The following RAP1A variants were observed in gnomAD, a reference collection of about 807,000 sequenced individuals.
RAP1A encodes the protein RAP1A, member of RAS oncogene family.
Under a neutral mutation model 26.4 loss-of-function variants are expected in RAP1A, and 6 were observed. The observed-to-expected ratio is 0.23, with a 90% CI of 0.12 to 0.45. The LOEUF (loss-of-function observed/expected upper bound fraction) is 0.45. Among genes scored for constraint, RAP1A ranks in the 20% least tolerant of loss-of-function variants. RAP1A has a pLI of 0.99. For synonymous variants in RAP1A, 73 were observed against 79.4 expected (o/e 0.92, Z 0.43); for missense variants, 121 against 217.2 (o/e 0.56, Z 2.78).
Position 111,577,350 on chromosome 1 carries a change from C to T in RAP1A, c.-28+34841C>T, listed in dbSNP as rs371503671. On this transcript the variant is annotated intron_variant, in intron 1 of 7. Transcript: ENST00000356415. ...CCAGGAGGTGGAGGTTGCAATGAGC[C>T]GAGATCGCACCACTGCACTCCAACC... is the stretch of plus-strand genomic sequence containing the variant. 6.0e-5 allele frequency among the ~76,000 whole-genome samples: 8 copies of T among 132,426 alleles called. No individual in the cohort carries two copies. The East Asian group carries it at 1.2e-3, about 19-fold the overall frequency. The allele number at this position is 132,426 out of a possible 152,430, so 86.9% of individuals were successfully genotyped here. A position where few individuals can be genotyped will look rare whatever the true frequency, so the allele number is the denominator to read the frequency against.
At chr1:111,633,061 A>G (rs143521716) in intron 1 of RAP1A, among the ~76,000 whole-genome samples, 183 of 152,346 alleles carry the variant, frequency 1.2e-3, no homozygotes, top group Middle Eastern at 0.01. Context: ...TGGAAGGACA[A>G]TAAACCTAGA....
intron 1 of RAP1A, among the ~76,000 whole-genome samples, chr1:111,638,979 T>G (rs1394479097): frequency 6.6e-6 from 1 of 152,166 alleles, no homozygotes; most frequent in African/African-American, 2.4e-5. Flanking sequence ...ACATCAAAGT[T>G]GCATAGTGAA....
At chr1:111,699,538 T>C (rs1166620144) in intron 4 of RAP1A, among the ~76,000 whole-genome samples, 1 of 147,670 alleles carries the variant, frequency 6.8e-6, no homozygotes, top group Non-Finnish European at 1.5e-5. Flanking sequence ...CACAGATCAC[T>C]GCAGCTTCAA....
At chr1:111,624,476 C>G (rs1659331984) in intron 1 of RAP1A, among the ~76,000 whole-genome samples, 1 of 152,156 alleles carries the variant, frequency 6.6e-6, no homozygotes, top group Non-Finnish European at 1.5e-5. Context: ...TCTCAGTCTC[C>G]TGCACACAGT....
chr1:111,601,667 G>A (rs1054562278), intron 1 of RAP1A, among the ~76,000 whole-genome samples: 1 of 152,182 alleles, frequency 6.6e-6, no homozygotes, highest in African/African-American at 2.4e-5. Flanking sequence ...GTATAGTTGA[G>A]AGGTGCCCAG....
At chr1:111,632,939 A>AT (rs1216695706) in intron 1 of RAP1A, among the ~76,000 whole-genome samples, 1 of 151,482 alleles carries the variant, frequency 6.6e-6, no homozygotes, top group African/African-American at 2.4e-5. Flanking sequence ...AAAAAAAAAA[A>AT]AAAAAGATAC....
At chr1:111,586,503 A>G (rs1475552361) in intron 1 of RAP1A, among the ~76,000 whole-genome samples, 1 of 152,206 alleles carries the variant, frequency 6.6e-6, no homozygotes, top group Non-Finnish European at 1.5e-5. Context: ...GGATTGCTTG[A>G]GCCCAGGAGG....
intron 1 of RAP1A, among the ~76,000 whole-genome samples, chr1:111,612,713 C>T (rs1016666029): frequency 5.3e-5 from 8 of 152,040 alleles, no homozygotes; most frequent in East Asian, 1.9e-4. Context: ...TGTGAATAAC[C>T]GAAAAGTAAT....
chr1:111,551,101 C>T (rs759903032), intron 1 of RAP1A, among the ~76,000 whole-genome samples: 1 of 152,128 alleles, frequency 6.6e-6, no homozygotes, highest in South Asian at 2.1e-4. Context: ...TTTTCTCATT[C>T]TTTTACTTTC....
At chr1:111,639,283 T>C (rs1222019687) in intron 1 of RAP1A, among the ~76,000 whole-genome samples, 1 of 152,162 alleles carries the variant, frequency 6.6e-6, no homozygotes, top group Non-Finnish European at 1.5e-5. Flanking sequence ...GCTCAAAATA[T>C]CAGAATAGAT....
At chr1:111,691,152 C>T (rs1661653782) in intron 1 of RAP1A, among the ~76,000 whole-genome samples, 182 bp from the exon 2 acceptor site, 1 of 152,208 alleles carries the variant, frequency 6.6e-6, no homozygotes, top group Non-Finnish European at 1.5e-5. Flanking sequence ...ATTAAAATAT[C>T]TGAAAGTAAT....
intron 1 of RAP1A, among the ~76,000 whole-genome samples, chr1:111,651,473 A>ATTTT (rs5777070): frequency 8.1e-6 from 1 of 123,808 alleles, no homozygotes; most frequent in Non-Finnish European, 1.7e-5. Context: ...TATATATATA[A>ATTTT]TTTTTTTTTT....
intron 1 of RAP1A, among the ~76,000 whole-genome samples, chr1:111,650,808 T>G (rs113021575): frequency 0.031 from 4,657 of 152,248 alleles, 108 homozygotes; most frequent in Admixed American, 0.06. Context: ...TCTTTCTTTT[T>G]TTTTTGAGAC....
At chr1:111,612,906 A>G (rs1345550225) in intron 1 of RAP1A, among the ~76,000 whole-genome samples, 1 of 152,114 alleles carries the variant, frequency 6.6e-6, no homozygotes, top group Non-Finnish European at 1.5e-5. Context: ...TTGTCCATGC[A>G]TTCTCTCTCT....
chr1:111,579,146 A>T (rs1157806176), intron 1 of RAP1A, among the ~76,000 whole-genome samples: 1 of 152,140 alleles, frequency 6.6e-6, no homozygotes, highest in African/African-American at 2.4e-5. Context: ...ATAGAGCTTG[A>T]TGTTCAGCAA....
chr1:111,579,005 C>T (rs75803390), intron 1 of RAP1A, among the ~76,000 whole-genome samples: 7 of 152,146 alleles, frequency 4.6e-5, no homozygotes, highest in Admixed American at 2.6e-4. Context: ...AACAGCCAGA[C>T]GAAGAGAAGC....
intron 1 of RAP1A, among the ~76,000 whole-genome samples, chr1:111,555,717 G>T (rs999333013): frequency 6.6e-6 from 1 of 152,046 alleles, no homozygotes; most frequent in East Asian, 1.9e-4. Flanking sequence ...AATAACAAAA[G>T]AATAAAGTTG....
In RAP1A at chr1:111,587,181, A is replaced by G. The variant is rs1315020451; in HGVS notation, c.-28+44672A>G. Among the ~76,000 whole-genome samples, 4 of 152,108 alleles carry G rather than the reference A, an allele frequency of 2.6e-5. No individual in the cohort carries two copies. The East Asian group carries it at 7.7e-4, about 29-fold the overall frequency. On this transcript the variant is annotated intron_variant, in intron 1 of 7. Transcript: ENST00000356415. Reference sequence around the variant, plus strand: ...CATCCAGGTGGCTACAAGCAATTATATAGATTCATTTGCTCCAACTTTAGG... The same window carrying G: ...CATCCAGGTGGCTACAAGCAATTATGTAGATTCATTTGCTCCAACTTTAGG...
At chr1:111,612,774 C>A (rs1246280121) in intron 1 of RAP1A, among the ~76,000 whole-genome samples, 1 of 152,122 alleles carries the variant, frequency 6.6e-6, no homozygotes, top group Non-Finnish European at 1.5e-5. Flanking sequence ...TAGTCAAGAT[C>A]TTTTAAATAT....
Sources: allele counts gnomAD v4.1 joint callset (sites outside exome capture counted in the v4.1 genomes callset), GRCh38; gene constraint gnomAD v4.1.1; transcripts MANE v1.5; gene names NCBI Gene and HGNC (gene_info 2026-07-23, HGNC 2026-07-21).